Variants in BMPR2 observed in about 807,000 individuals in gnomAD.
BMPR2 encodes bone morphogenetic protein receptor type 2.
In BMPR2, 29 loss-of-function variants were observed where a neutral mutation model predicts 100.8. That is an observed-to-expected ratio of 0.29 (90% confidence interval 0.21 to 0.39). The LOEUF is 0.39. Among genes scored for constraint, BMPR2 ranks in the 10% least tolerant of loss-of-function variants. The probability of loss-of-function intolerance (pLI) is 1.00; values close to 1 mark genes in which losing one functional copy is unlikely to be tolerated. For synonymous variants in BMPR2, 382 were observed against 442.3 expected, an observed-to-expected ratio of 0.86 and a Z score of 1.71; for missense variants, 1,011 against 1,274.5, an observed-to-expected ratio of 0.79 and a Z score of 3.15.
At chr2:202,442,306 A>G (rs1691763422) in intron 1 of BMPR2, among the ~76,000 whole-genome samples, 1 of 150,436 alleles carries the variant, frequency 6.6e-6, no homozygotes, top group African/African-American at 2.5e-5. Flanking sequence ...GTACTAGTTT[A>G]CTTTCTGTTT....
intron 1 of BMPR2, among the ~76,000 whole-genome samples, chr2:202,397,906 A>G (rs1424634759): frequency 1.3e-5 from 2 of 151,786 alleles, no homozygotes; most frequent in Non-Finnish European, 2.9e-5. Context: ...GGATCACCTG[A>G]GGTCAGGAGT....
chr2:202,426,497 A>T (rs1329230275), intron 1 of BMPR2, among the ~76,000 whole-genome samples: 4 of 134,334 alleles, frequency 3.0e-5, no homozygotes, highest in African/African-American at 1.1e-4. Flanking sequence ...TGAACCTGGG[A>T]GGTGGAGGTT....
chr2:202,476,636 A>G (rs1185229750), intron 3 of BMPR2, among the ~76,000 whole-genome samples: 1 of 152,066 alleles, frequency 6.6e-6, no homozygotes, highest in Non-Finnish European at 1.5e-5. Flanking sequence ...AAAATACAAA[A>G]TAATTAGCTG....
intron 3 of BMPR2, among the ~76,000 whole-genome samples, chr2:202,470,721 G>A (rs1330346512): frequency 2.7e-5 from 4 of 146,754 alleles, no homozygotes; most frequent in African/African-American, 1.0e-4. Flanking sequence ...CCGAGATTGC[G>A]CCACTGCAGT....
intron 3 of BMPR2, among the ~76,000 whole-genome samples, chr2:202,481,562 A>G (rs1692661094): frequency 6.6e-6 from 1 of 152,186 alleles, no homozygotes; most frequent in African/African-American, 2.4e-5. Flanking sequence ...CATATCTGAA[A>G]AAAGACAACT....
At chr2:202,471,010 G>A (rs1002265641) in intron 3 of BMPR2, among the ~76,000 whole-genome samples, 1 of 152,152 alleles carries the variant, frequency 6.6e-6, no homozygotes, top group African/African-American at 2.4e-5. Context: ...ATTGAGCTGT[G>A]ATCAGGCCCC....
At chr2:202,402,811 A>G (rs1477486401) in intron 1 of BMPR2, among the ~76,000 whole-genome samples, 1 of 150,014 alleles carries the variant, frequency 6.7e-6, no homozygotes, top group African/African-American at 2.5e-5. Flanking sequence ...CTACAGGTGC[A>G]TGCCACCCTG....
intron 9 of BMPR2, among the ~76,000 whole-genome samples, chr2:202,541,093 T>C (rs888663878): frequency 5.3e-5 from 8 of 152,210 alleles, no homozygotes; most frequent in Admixed American, 3.9e-4. Flanking sequence ...TAAATAGTGA[T>C]AAAATAGTTA....
rs1412153000 is a variant in BMPR2, at chr2:202,556,436, C to A, written c.2771C>A (p.Ala924Glu). Residue 924 changes from alanine to glutamate, a missense_variant, in exon 12 of 13, where the codon GCA becomes GAA. Physicochemically the swap from Ala to Glu is moderately radical, Grantham distance 107. Transcript: ENST00000374580. ...DVLAQGVPSTAADPGPSKPRR... is the reference protein window; with the variant it reads ...DVLAQGVPSTEADPGPSKPRR... ...CTTGCACAGGGTGTTCCAAGCACAG[C>A]AGCAGATCCTGGGCCATCAAAGCCC... is the stretch of plus-strand genomic sequence containing the variant. 3 of 1,614,172 alleles carry A rather than the reference C, an allele frequency of 1.9e-6. No homozygotes were observed. Among genetic ancestry groups the A allele is most frequent in the Non-Finnish European group, 2.5e-6 (3 of 1,180,044 alleles).
At chr2:202,424,223 C>T (rs928836607) in intron 1 of BMPR2, among the ~76,000 whole-genome samples, 8 of 149,500 alleles carry the variant, frequency 5.4e-5, no homozygotes, top group African/African-American at 1.7e-4. Context: ...AAAATGCAAA[C>T]GTTAGCTGGG....
At chr2:202,427,289 G>A (rs1363111047) in intron 1 of BMPR2, among the ~76,000 whole-genome samples, 1 of 145,654 alleles carries the variant, frequency 6.9e-6, no homozygotes. Context: ...AGGCCCGGGA[G>A]ATTGAGACCT....
chr2:202,433,509 A>C (rs879634588), intron 1 of BMPR2, among the ~76,000 whole-genome samples: 6 of 150,742 alleles, frequency 4.0e-5, no homozygotes, highest in African/African-American at 1.5e-4. Context: ...ATTTATAGTG[A>C]AACTTTGGTA....
chr2:202,516,909 T>G (rs1344852352), intron 5 of BMPR2, among the ~76,000 whole-genome samples: 10 of 152,198 alleles, frequency 6.6e-5, no homozygotes, highest in Non-Finnish European at 1.3e-4. Context: ...CTTAAATAAA[T>G]GATGGTAAAT....
chr2:202,534,912 C>G (rs1200583969), intron 9 of BMPR2, among the ~76,000 whole-genome samples: 1 of 147,294 alleles, frequency 6.8e-6, no homozygotes, highest in Non-Finnish European at 1.5e-5. Context: ...CTGACCCCCC[C>G]ACCTCCCTCC....
chr2:202,395,654 A>G (rs1690643489), intron 1 of BMPR2, among the ~76,000 whole-genome samples: 1 of 152,078 alleles, frequency 6.6e-6, no homozygotes, highest in African/African-American at 2.4e-5. Context: ...TACAGTTCCT[A>G]GCTGAATGCG....
chr2:202,422,117 C>G (rs1177538623), intron 1 of BMPR2, among the ~76,000 whole-genome samples: 3 of 152,136 alleles, frequency 2.0e-5, no homozygotes, highest in Admixed American at 6.6e-5. Flanking sequence ...CCGTGTTGGC[C>G]AGGCTGGTCT....
intron 8 of BMPR2, 101 bp downstream of exon 8, chr2:202,531,055 C>A (rs753309763): frequency 7.0e-7 from 1 of 1,438,064 alleles, no homozygotes; most frequent in Non-Finnish European, 9.6e-7. Context: ...GTAATCCCAG[C>A]ACTTTGGTAG....
rs767472477 is a variant in BMPR2 at position 202,430,890 on chromosome 2, C to T, written c.77-33919C>T. Among the ~76,000 whole-genome samples the T allele has an allele frequency of 6.1e-5, 9 of 148,648 alleles. 1 individual carries two copies. The highest frequency in any genetic ancestry group is 8.8e-5 in the Non-Finnish European group (6 of 67,914). ...AGGAGAATTGCTTGAACCCGGGAGG[C>T]GGAGGTTGCAGTGAGCTGAGATCAC... On this transcript the variant is annotated intron_variant, in intron 1 of 12. Coordinates refer to ENST00000374580, the MANE Select transcript of BMPR2 (RefSeq NM_001204.7).
At chr2:202,511,743 G>T (rs1319270560) in intron 3 of BMPR2, among the ~76,000 whole-genome samples, 5 of 152,028 alleles carry the variant, frequency 3.3e-5, no homozygotes, top group Non-Finnish European at 7.4e-5. Flanking sequence ...AATGGGCTGG[G>T]CACAGTGACT....
Sources: gnomAD v4.1 joint callset for allele counts (sites outside exome capture counted in the v4.1 genomes callset) on GRCh38, gnomAD v4.1.1 for gene constraint, MANE v1.5 for transcripts, NCBI Gene and HGNC (gene_info 2026-07-23, HGNC 2026-07-21) for gene names.